The following PLEKHA5 variants were observed in gnomAD, a reference collection of about 807,000 sequenced individuals.
PLEKHA5 encodes pleckstrin homology domain containing A5.
In PLEKHA5, 55 loss-of-function variants were observed where a neutral mutation model predicts 181.9. The observed-to-expected ratio is 0.30, with a 90% CI of 0.24 to 0.38. The LOEUF is 0.38. PLEKHA5 is among the 10% of genes least tolerant of loss of function. The pLI, the probability that PLEKHA5 is intolerant of heterozygous loss-of-function variation, is 1.00. For synonymous variants in PLEKHA5, 535 were observed against 529.4 expected (o/e 1.01, Z -0.15); for missense variants, 1,432 against 1,549.5 (o/e 0.92, Z 1.27).
chr12:19,138,979 G>T (rs971695090), intron 3 of PLEKHA5, among the ~76,000 whole-genome samples: 8 of 152,086 alleles, frequency 5.3e-5, no homozygotes, highest in Non-Finnish European at 7.4e-5. Flanking sequence ...AAGGTTTTAG[G>T]GAGATTTCAA....
At chr12:19,245,740 A>AAC (rs2152483163) in intron 3 of PLEKHA5, among the ~76,000 whole-genome samples, 1 of 150,826 alleles carries the variant, frequency 6.6e-6, no homozygotes, top group East Asian at 2.0e-4. Context: ...AAAAAAAAAA[A>AAC]AAAAAAAAAA....
Position 19,283,412 on chromosome 12 carries a change from C to G in PLEKHA5, c.1446C>G (p.Thr482=), listed in dbSNP as rs778113051. 7 of 1,613,908 alleles carry G rather than the reference C, an allele frequency of 4.3e-6. No individual in the cohort carries two copies. Among genetic ancestry groups the G allele is most frequent in the Non-Finnish European group, 5.9e-6 (7 of 1,179,912 alleles). Residue 482 remains threonine (T), a synonymous_variant, in exon 12 of 32, where the codon ACC becomes ACG. Transcript: ENST00000429027. ...GGCCTGAAAGTATCTGCAGTGTAACCCCTTCCACTCATGACAAGACATTAG... is the reference window on the plus strand; with the variant it reads ...GGCCTGAAAGTATCTGCAGTGTAACGCCTTCCACTCATGACAAGACATTAG... The part of the protein sequence containing the change: ...KTRPESICSV[T]PSTHDKTLGP...
At chr12:19,200,220 G>GC in intron 3 of PLEKHA5, 1 of 744,944 alleles carries the variant, frequency 1.3e-6, no homozygotes, top group Non-Finnish European at 2.2e-6. Context: ...TTTCCATGCA[G>GC]CAACAAAAGT....
chr12:19,131,214 A>G (rs941294205), intron 2 of PLEKHA5, among the ~76,000 whole-genome samples: 3 of 152,252 alleles, frequency 2.0e-5, no homozygotes, highest in South Asian at 2.1e-4. Flanking sequence ...CCTCTGGGGT[A>G]CATTCTCTCG....
intron 3 of PLEKHA5, among the ~76,000 whole-genome samples, chr12:19,198,906 G>A (rs2053576886): frequency 6.6e-6 from 1 of 152,034 alleles, no homozygotes; most frequent in African/African-American, 2.4e-5. Context: ...CCATTACTCA[G>A]CAGCAAAATT....
At chr12:19,283,241 C>A in intron 11 of PLEKHA5, 39 bp from the exon 12 acceptor site, 1 of 1,283,508 alleles carries the variant, frequency 7.8e-7, no homozygotes, top group South Asian at 1.4e-5. Context: ...GAAAATAACC[C>A]TCCTTCATGT....
At chr12:19,374,821 G>T (rs904190023) in intron 31 of PLEKHA5, among the ~76,000 whole-genome samples, 2 of 151,228 alleles carry the variant, frequency 1.3e-5, no homozygotes, top group Non-Finnish European at 2.9e-5. Flanking sequence ...TGGATGTGGT[G>T]ATGTGCACCT....
intron 15 of PLEKHA5, among the ~76,000 whole-genome samples, chr12:19,294,761 C>CAAATAAAACAT (rs1555149506): frequency 6.6e-6 from 1 of 152,012 alleles, no homozygotes; most frequent in Non-Finnish European, 1.5e-5. Flanking sequence ...TGTTTAATAA[C>CAAATAAAACAT]AAATAAAAAA....
At chr12:19,311,220 GT>G (rs2086379059) in intron 15 of PLEKHA5, among the ~76,000 whole-genome samples, 1 of 148,848 alleles carries the variant, frequency 6.7e-6, no homozygotes, top group African/African-American at 2.5e-5. Context: ...GAGGCCAGGA[GT>G]TTGAGACCAG....
intron 3 of PLEKHA5, chr12:19,202,062 C>G (rs1435836524): frequency 3.4e-6 from 3 of 874,214 alleles, no homozygotes; most frequent in Non-Finnish European, 4.1e-6. Flanking sequence ...CAGTTACTCC[C>G]CACTCTTCCC....
intron 23 of PLEKHA5, among the ~76,000 whole-genome samples, chr12:19,346,338 T>TC (rs771687109): frequency 6.6e-5 from 10 of 152,062 alleles, no homozygotes; most frequent in African/African-American, 1.4e-4. Context: ...CTTTTTTTTT[T>TC]CCTCTCTTAA....
chr12:19,202,756 C>T (rs995204105), intron 3 of PLEKHA5, among the ~76,000 whole-genome samples: 1 of 152,116 alleles, frequency 6.6e-6, no homozygotes, highest in South Asian at 2.1e-4. Flanking sequence ...AGTCTTGCTC[C>T]TCTCATTCCC....
At chr12:19,204,253 A>T (rs114815627) in intron 3 of PLEKHA5, among the ~76,000 whole-genome samples, 1 of 152,106 alleles carries the variant, frequency 6.6e-6, no homozygotes. Flanking sequence ...ACTAATTAGC[A>T]TATGGGTACA....
intron 3 of PLEKHA5, chr12:19,151,344 TAGGGTTAATGCC>T (rs1369984235): frequency 2.6e-5 from 4 of 152,148 alleles, no homozygotes; most frequent in Non-Finnish European, 4.4e-5. Context: ...CAAAGCCTTG[TAGGGTTAATGCC>T]AGGTCAGTAG....
At chr12:19,225,765 G>A (rs1345784856) in intron 3 of PLEKHA5, among the ~76,000 whole-genome samples, 1 of 152,198 alleles carries the variant, frequency 6.6e-6, no homozygotes, top group African/African-American at 2.4e-5. Context: ...CAAGTTGGAT[G>A]TGCAGTTTGG....
chr12:19,203,127 C>G (rs16915168), intron 3 of PLEKHA5, among the ~76,000 whole-genome samples: 13,389 of 152,074 alleles, frequency 0.088, 791 homozygotes, highest in African/African-American at 0.17. Context: ...TAAATCAGAA[C>G]ACTTAAGTTG....
Position 19,255,092 on chromosome 12 carries a change from G to A in PLEKHA5, c.359G>A (p.Ser120Asn), listed in dbSNP as rs1448572763. The A allele has an allele frequency of 4.3e-6, 7 of 1,609,388 alleles. No homozygotes were observed. The South Asian group carries it at 6.6e-5, about 15-fold the overall frequency. ...TSEEKKERPI[S>N]MINEASNYNV... ...GAAGAAAAGAAGGAACGGCCAATAA[G>A]TATGATAAATGAAGCTTCTAACTAT... Residue 120 changes from serine to asparagine, a missense_variant, in exon 5 of 32, where the codon AGT becomes AAT. Physicochemically the swap from Ser to Asn is conservative, Grantham distance 46. Transcript: ENST00000429027.
At chr12:19,245,437 T>G (rs893694086) in intron 3 of PLEKHA5, among the ~76,000 whole-genome samples, 1 of 152,118 alleles carries the variant, frequency 6.6e-6, no homozygotes, top group Non-Finnish European at 1.5e-5. Context: ...ACATAGAATC[T>G]CATATCTCTG....
chr12:19,354,815 G>A (rs1237232409), intron 26 of PLEKHA5, among the ~76,000 whole-genome samples: 1 of 152,166 alleles, frequency 6.6e-6, no homozygotes, highest in Non-Finnish European at 1.5e-5. Context: ...GCACGTCAGA[G>A]GACAGACCTA....
Sources: allele counts gnomAD v4.1 joint callset (sites outside exome capture counted in the v4.1 genomes callset), GRCh38; gene constraint gnomAD v4.1.1; transcripts MANE v1.5; gene names NCBI Gene and HGNC (gene_info 2026-07-23, HGNC 2026-07-21).